The following CNTN5 variants were observed in gnomAD, a reference collection of about 807,000 sequenced individuals.
The protein encoded by CNTN5 is contactin 5.
Under a neutral mutation model 129.1 loss-of-function variants are expected in CNTN5, and 77 were observed. The observed-to-expected ratio is 0.60, with a 90% CI of 0.50 to 0.72. CNTN5 has a LOEUF of 0.72. Among genes scored for constraint, CNTN5 ranks in the 30% least tolerant of loss-of-function variants. The pLI is 0.00. For synonymous variants in CNTN5, 509 were observed against 465.6 expected (o/e 1.09, Z -1.20); for missense variants, 1,478 against 1,328.8 (o/e 1.11, Z -1.75).
chr11:99,889,479 C>T (rs958594393), intron 6 of CNTN5, among the ~76,000 whole-genome samples: 1 of 150,216 alleles, frequency 6.7e-6, no homozygotes, highest in Non-Finnish European at 1.5e-5. Context: ...AAAAAAAGTC[C>T]AACAAGCTCA....
chr11:99,624,721 C>T lies in CNTN5; in HGVS notation c.55+68452C>T, dbSNP rs637745. ...GAGAAGCACCCTGCCACAGGCAGCACGGTTATTAAGCTCTTGGCAAATGTG... is the reference window on the plus strand; with the variant it reads ...GAGAAGCACCCTGCCACAGGCAGCATGGTTATTAAGCTCTTGGCAAATGTG... On this transcript the variant is annotated intron_variant, in intron 3 of 24. Transcript: ENST00000524871. Among the ~76,000 whole-genome samples the T allele has an allele frequency of 5.3e-5, 8 of 152,008 alleles. No homozygotes were observed. In the East Asian group the frequency reaches 1.6e-3, roughly 30 times the overall value.
At chr11:100,040,043 C>G (rs745885458) in intron 9 of CNTN5, among the ~76,000 whole-genome samples, 5 of 152,172 alleles carry the variant, frequency 3.3e-5, no homozygotes, top group Non-Finnish European at 5.9e-5. Flanking sequence ...AGGAGAGGCA[C>G]TCTGATTTTT....
intron 9 of CNTN5, among the ~76,000 whole-genome samples, chr11:100,039,874 C>T (rs1295276008): frequency 6.6e-6 from 1 of 152,092 alleles, no homozygotes; most frequent in Non-Finnish European, 1.5e-5. Flanking sequence ...ATTCATCTAA[C>T]TTTTTTTCAA....
chr11:99,663,384 C>G (rs1011139266), intron 3 of CNTN5, among the ~76,000 whole-genome samples: 4 of 152,180 alleles, frequency 2.6e-5, no homozygotes, highest in African/African-American at 7.2e-5. Context: ...AGAAGAATCC[C>G]TTGAACCTGG....
At chr11:99,231,688 A>C (rs1175739220) in intron 1 of CNTN5, among the ~76,000 whole-genome samples, 1 of 152,036 alleles carries the variant, frequency 6.6e-6, no homozygotes, top group Non-Finnish European at 1.5e-5. Context: ...TTTTGTTGCA[A>C]TTGCTTTTAA....
At chr11:99,520,729 G>A (rs932357853) in intron 2 of CNTN5, among the ~76,000 whole-genome samples, 4 of 152,004 alleles carry the variant, frequency 2.6e-5, no homozygotes, top group Admixed American at 6.6e-5. Flanking sequence ...CTTCTCATAC[G>A]TATTTTGGGA....
intron 1 of CNTN5, among the ~76,000 whole-genome samples, chr11:99,067,453 C>T (rs1865149459): frequency 6.7e-6 from 1 of 148,920 alleles, no homozygotes; most frequent in South Asian, 2.1e-4. Flanking sequence ...TGAAATCTTC[C>T]ATAGAAGTCT....
intron 3 of CNTN5, among the ~76,000 whole-genome samples, chr11:99,745,166 G>T (rs1944014609): frequency 6.6e-6 from 1 of 152,150 alleles, no homozygotes; most frequent in Non-Finnish European, 1.5e-5. Context: ...GGCATGGATT[G>T]CTGCTTTTAC....
chr11:99,878,741 G>A (rs1948697316), intron 6 of CNTN5, among the ~76,000 whole-genome samples: 2 of 151,914 alleles, frequency 1.3e-5, no homozygotes, highest in Admixed American at 1.3e-4. Context: ...CTGTAGTCCC[G>A]CTACTAGGGA....
At chr11:99,462,480 A>G (rs1944752249) in intron 2 of CNTN5, among the ~76,000 whole-genome samples, 1 of 151,830 alleles carries the variant, frequency 6.6e-6, no homozygotes, top group East Asian at 1.9e-4. Context: ...CCTGGAAGAA[A>G]TATTAGCTCA....
chr11:99,561,068 A>C (rs1948826799), intron 3 of CNTN5, among the ~76,000 whole-genome samples: 1 of 152,202 alleles, frequency 6.6e-6, no homozygotes, highest in Non-Finnish European at 1.5e-5. Flanking sequence ...TTCTACTCAA[A>C]GCAACCAGGG....
At chr11:99,800,488 T>C (rs1946079700) in intron 3 of CNTN5, among the ~76,000 whole-genome samples, 1 of 152,116 alleles carries the variant, frequency 6.6e-6, no homozygotes, top group African/African-American at 2.4e-5. Flanking sequence ...AGGTCTGGGA[T>C]TTCTTTGTTA....
intron 2 of CNTN5, among the ~76,000 whole-genome samples, chr11:99,375,625 A>C (rs1156275271): frequency 6.6e-6 from 1 of 152,212 alleles, no homozygotes; most frequent in Non-Finnish European, 1.5e-5. Flanking sequence ...AATTTACAAA[A>C]TTACAAAAAT....
intron 8 of CNTN5, among the ~76,000 whole-genome samples, chr11:99,967,909 T>C (rs1033483820): frequency 6.6e-5 from 10 of 152,172 alleles, no homozygotes; most frequent in African/African-American, 2.4e-4. Context: ...TACACTTATG[T>C]TTTCTGCATG....
chr11:99,848,759 G>A (rs1947781731), intron 6 of CNTN5, among the ~76,000 whole-genome samples: 1 of 151,910 alleles, frequency 6.6e-6, no homozygotes, highest in Admixed American at 6.6e-5. Flanking sequence ...TACCTTTTTA[G>A]ATTATTTTTA....
chr11:99,609,529 A>T (rs1197940731), intron 3 of CNTN5, among the ~76,000 whole-genome samples: 2 of 152,132 alleles, frequency 1.3e-5, no homozygotes, highest in African/African-American at 4.8e-5. Flanking sequence ...AAGTCCAGGA[A>T]GACACAAGTA....
At chr11:99,180,976 A>G (rs942494154) in intron 1 of CNTN5, among the ~76,000 whole-genome samples, 1 of 152,232 alleles carries the variant, frequency 6.6e-6, no homozygotes, top group Non-Finnish European at 1.5e-5. Flanking sequence ...GAGCAAATTC[A>G]TCTTATAACA....
At chr11:99,660,891 A>G (rs1229155443) in intron 3 of CNTN5, among the ~76,000 whole-genome samples, 1 of 151,922 alleles carries the variant, frequency 6.6e-6, no homozygotes. Flanking sequence ...TTAATATACT[A>G]TATAAGATTT....
intron 13 of CNTN5, among the ~76,000 whole-genome samples, chr11:100,109,901 A>T (rs1202620911): frequency 6.6e-6 from 1 of 152,100 alleles, no homozygotes; most frequent in Non-Finnish European, 1.5e-5. Context: ...AAACATAGCC[A>T]TGTGTGGTGG....
Sources: allele counts gnomAD v4.1 joint callset (sites outside exome capture counted in the v4.1 genomes callset), GRCh38; gene constraint gnomAD v4.1.1; transcripts MANE v1.5; gene names NCBI Gene and HGNC (gene_info 2026-07-23, HGNC 2026-07-21).